RECK: variants seen among roughly 807,000 people sequenced by gnomAD.
The protein encoded by RECK is reversion-inducing cysteine-rich protein with Kazal motifs.
RECK carries 69 observed loss-of-function variants against 115.1 expected under a neutral mutation model. The ratio of observed to expected loss-of-function variants is 0.60; its 90% CI spans 0.49 to 0.73. The LOEUF (loss-of-function observed/expected upper bound fraction) is 0.73, where lower values mean the gene tolerates loss of function less well. Ranked by LOEUF, RECK falls within the 30% of genes least tolerant of loss-of-function variation. RECK has a pLI of 0.00. For synonymous variants in RECK, 414 were observed against 419.7 expected, an observed-to-expected ratio of 0.99 and a Z score of 0.17; for missense variants, 1,047 against 1,203.7, an observed-to-expected ratio of 0.87 and a Z score of 1.93.
At chr9:36,045,108 A>G (rs972071720) in intron 1 of RECK, among the ~76,000 whole-genome samples, 2 of 152,242 alleles carry the variant, frequency 1.3e-5, no homozygotes, top group African/African-American at 4.8e-5. Context: ...CCATACATAC[A>G]TACAGATAGA....
intron 16 of RECK, among the ~76,000 whole-genome samples, chr9:36,112,717 T>C (rs914989788): frequency 6.6e-6 from 1 of 152,142 alleles, no homozygotes; most frequent in Non-Finnish European, 1.5e-5. Flanking sequence ...CTAGAGATTG[T>C]GATACCTAGC....
intron 6 of RECK, among the ~76,000 whole-genome samples, chr9:36,068,577 A>T (rs771821979): frequency 6.6e-6 from 1 of 152,246 alleles, no homozygotes; most frequent in Non-Finnish European, 1.5e-5. Context: ...GAGAAGTAAG[A>T]ACAGTAAAGA....
chr9:36,114,349 A>C (rs947253985), intron 16 of RECK, among the ~76,000 whole-genome samples: 3 of 152,206 alleles, frequency 2.0e-5, no homozygotes, highest in Non-Finnish European at 2.9e-5. Context: ...TTAAATTAAA[A>C]CTACAATTGT....
At chr9:36,066,994 C>G in intron 6 of RECK, 1 of 431,090 alleles carries the variant, frequency 2.3e-6, no homozygotes, top group Non-Finnish European at 4.1e-6. Context: ...GCAAAAGGAT[C>G]CTTTTGTTTT....
intron 15 of RECK, among the ~76,000 whole-genome samples, chr9:36,111,813 A>G (rs1679477480): frequency 6.6e-6 from 1 of 152,098 alleles, no homozygotes; most frequent in South Asian, 2.1e-4. Context: ...TACTTTCCCT[A>G]CCTATAGCCT....
chr9:36,087,928 ATTG>A lies in RECK; in HGVS notation c.878_880del (p.Cys293del). On this transcript the variant is annotated inframe_deletion, in exon 9 of 21. Coordinates refer to ENST00000377966, the MANE Select transcript of RECK (RefSeq NM_021111.3). ...ACAGGCCTCGATGGGGCTAAATTGCATTGTTGTTCTAAAGCAAACACTTCAACA... is the reference window on the plus strand; with the variant it reads ...ACAGGCCTCGATGGGGCTAAATTGCATTGTTCTAAAGCAAACACTTCAACA... The A allele has an allele frequency of 6.2e-7, 1 of 1,613,552 alleles. No individual in the cohort carries two copies. The highest frequency in any genetic ancestry group is 8.5e-7 in the Non-Finnish European group (1 of 1,179,564).
At chr9:36,045,478 ACACT>A (rs1278009983) in intron 1 of RECK, among the ~76,000 whole-genome samples, 2 of 152,072 alleles carry the variant, frequency 1.3e-5, no homozygotes, top group African/African-American at 2.4e-5. Context: ...TGTGTAATAC[ACACT>A]CAATGCACGT....
chr9:36,067,287 C>A (rs1052928267), intron 6 of RECK, among the ~76,000 whole-genome samples: 6 of 152,070 alleles, frequency 3.9e-5, no homozygotes, highest in African/African-American at 1.4e-4. Context: ...CTTTTAGTAT[C>A]TTTTCCTTAA....
intron 1 of RECK, among the ~76,000 whole-genome samples, chr9:36,043,862 T>C (rs1029012255): frequency 1.3e-5 from 2 of 152,220 alleles, no homozygotes; most frequent in African/African-American, 4.8e-5. Context: ...TTCTCTATTC[T>C]GTTCCTATGT....
At chr9:36,071,045 C>T (rs1418308403) in intron 6 of RECK, among the ~76,000 whole-genome samples, 1 of 152,118 alleles carries the variant, frequency 6.6e-6, no homozygotes, top group Non-Finnish European at 1.5e-5. Context: ...TATTCAGCAG[C>T]TGTAGTTACA....
chr9:36,100,249 A>G lies in RECK; in HGVS notation c.1086-82A>G. 5 of 1,120,716 alleles carry G rather than the reference A, an allele frequency of 4.5e-6. No homozygotes were observed. In the South Asian group the frequency reaches 7.2e-5, roughly 16 times the overall value. The allele number at this position is 1,120,716 out of a possible 1,614,324, so 69.4% of individuals were successfully genotyped here. On this transcript the variant is annotated intron_variant, in intron 10 of 20. Coordinates refer to ENST00000377966, the MANE Select transcript of RECK (RefSeq NM_021111.3). ...TAAGAAAACCAGATTTTTCTGATGC[A>G]TTAGTATGTCAGGATTTTACTTGTT...
chr9:36,064,237 G>A (rs1375672980), intron 5 of RECK, among the ~76,000 whole-genome samples: 6 of 152,106 alleles, frequency 3.9e-5, no homozygotes, highest in Non-Finnish European at 8.8e-5. Flanking sequence ...TGACACAGTT[G>A]GCTCATTTTT....
intron 1 of RECK, among the ~76,000 whole-genome samples, chr9:36,048,199 C>G (rs1272263782): frequency 7.0e-6 from 1 of 143,754 alleles, no homozygotes; most frequent in Non-Finnish European, 1.5e-5. Flanking sequence ...CCAGATCTAC[C>G]TGCCTGAAAT....
chr9:36,089,688 A>G (rs753463147), intron 9 of RECK, among the ~76,000 whole-genome samples: 11 of 152,226 alleles, frequency 7.2e-5, no homozygotes, highest in Middle Eastern at 3.2e-3. Context: ...GGCTATGTGT[A>G]TAAGGTATAT....
At chr9:36,102,287 ATTTGT>A in intron 12 of RECK, 57 bp downstream of exon 12, 1 of 1,437,436 alleles carries the variant, frequency 7.0e-7, no homozygotes, top group South Asian at 1.3e-5. Flanking sequence ...TCTTCCAACT[ATTTGT>A]TTTACTATTT....
rs1281955060 is a variant in RECK, at chr9:36,100,429, T to C, written c.1184T>C (p.Ile395Thr). 2 of 1,614,082 alleles carry C rather than the reference T, an allele frequency of 1.2e-6. No homozygotes were observed. Among genetic ancestry groups the C allele is most frequent in the Admixed American group, 3.3e-5 (2 of 60,026 alleles). Reference protein sequence around the residue: ...WEKGSIKMPFINIPVLDIKKC... With the variant: ...WEKGSIKMPFTNIPVLDIKKC... ...AAAGGAAGCATAAAGATGCCATTTA[T>C]CAATATACCTGTTCTTGATATTAAA... The change falls in exon 11 of 21, where the codon ATC becomes ACC. Residue 395 changes from isoleucine (I) to threonine (T), a missense_variant. Coordinates refer to ENST00000377966, the MANE Select transcript of RECK (RefSeq NM_021111.3).
chr9:36,112,439 G>A lies in RECK; in HGVS notation c.2023G>A (p.Asp675Asn). Residue 675 changes from aspartate (D) to asparagine (N), a missense_variant, in exon 16 of 21, where the codon GAT becomes AAT. By Grantham distance (23) the Asp-to-Asn change is conservative. Transcript: ENST00000377966. ...QFEFGSCMSK[D>N]PCNPNPCQKN... ...TGAGTTTGGATCATGCATGTCAAAG[G>A]ATCCATGTAATCCTAATCCCTGCCA... is the stretch of plus-strand genomic sequence containing the variant. 6.2e-7 allele frequency: 1 copy of A among 1,614,092 alleles called. No individual in the cohort carries two copies. The highest frequency in any genetic ancestry group is 8.5e-7 in the Non-Finnish European group (1 of 1,180,050).
intron 6 of RECK, among the ~76,000 whole-genome samples, chr9:36,066,087 GA>G (rs935542143): frequency 1.3e-5 from 2 of 152,044 alleles, no homozygotes; most frequent in South Asian, 2.1e-4. Context: ...GCATTTGGGG[GA>G]AAAAATACTA....
Position 36,123,148 on chromosome 9 carries a change from A to G in RECK, c.*103A>G, listed in dbSNP as rs1824526054. 4 of 835,622 alleles carry G rather than the reference A, an allele frequency of 4.8e-6. No homozygotes were observed. Among genetic ancestry groups the G allele is most frequent in the Non-Finnish European group, 7.6e-6 (4 of 528,502 alleles). 51.8% of individuals were successfully genotyped at this position (835,622 alleles called of 1,614,324 possible). On this transcript the variant is annotated 3_prime_UTR_variant, in exon 21 of 21. Coordinates refer to ENST00000377966, the MANE Select transcript of RECK (RefSeq NM_021111.3). Reference sequence around the variant, plus strand: ...AGTTGAATATTGGCCAAGGAAAGGCACATGTCACCTCTATTCGCCACACAG... The same window carrying G: ...AGTTGAATATTGGCCAAGGAAAGGCGCATGTCACCTCTATTCGCCACACAG...
Sources: allele counts gnomAD v4.1 joint callset (sites outside exome capture counted in the v4.1 genomes callset), GRCh38; gene constraint gnomAD v4.1.1; transcripts MANE v1.5; gene names NCBI Gene and HGNC (gene_info 2026-07-23, HGNC 2026-07-21).